B3GAT2: variants seen among roughly 807,000 people sequenced by gnomAD.
The protein encoded by B3GAT2 is beta-1,3-glucuronyltransferase 2.
In B3GAT2, 26 loss-of-function variants were observed where a neutral mutation model predicts 27.8. The observed-to-expected ratio is 0.93, with a 90% CI of 0.68 to 1.30. The LOEUF is 1.30. B3GAT2 is among the 50% of genes most tolerant of loss of function. The pLI, the probability that B3GAT2 is intolerant of heterozygous loss-of-function variation, is 0.00. For synonymous variants in B3GAT2, 218 were observed against 195.1 expected (o/e 1.12, Z -0.98); for missense variants, 458 against 459.0 (o/e 1.00, Z 0.02).
At chr6:70,937,331 G>A (rs1247578987) in intron 1 of B3GAT2, among the ~76,000 whole-genome samples, 17 of 150,520 alleles carry the variant, frequency 1.1e-4, no homozygotes, top group Non-Finnish European at 3.0e-5. Flanking sequence ...GTACAAGGAG[G>A]AACTGGTACC....
At chr6:70,922,314 C>T (rs531062628) in intron 1 of B3GAT2, among the ~76,000 whole-genome samples, 9 of 152,272 alleles carry the variant, frequency 5.9e-5, no homozygotes, top group African/African-American at 2.2e-4. Flanking sequence ...CATGAAATAT[C>T]TGTAGGAATA....
chr6:70,926,313 T>C (rs1254487230), intron 1 of B3GAT2, among the ~76,000 whole-genome samples: 1 of 152,172 alleles, frequency 6.6e-6, no homozygotes, highest in Non-Finnish European at 1.5e-5. Context: ...GAAAGCTGGA[T>C]GGAGAATGAC....
intron 2 of B3GAT2, among the ~76,000 whole-genome samples, chr6:70,892,440 T>C (rs1772305145): frequency 6.6e-6 from 1 of 152,216 alleles, no homozygotes; most frequent in Non-Finnish European, 1.5e-5. Flanking sequence ...GCATGATCCA[T>C]GCAAGGAAAT....
At chr6:70,920,881 T>C (rs1292063178) in intron 1 of B3GAT2, among the ~76,000 whole-genome samples, 6 of 152,228 alleles carry the variant, frequency 3.9e-5, no homozygotes, top group Non-Finnish European at 5.9e-5. Context: ...TTGTTTCTCC[T>C]TTGCTTATTA....
chr6:70,910,649 T>C (rs1772675444), intron 1 of B3GAT2, among the ~76,000 whole-genome samples: 1 of 152,206 alleles, frequency 6.6e-6, no homozygotes, highest in Non-Finnish European at 1.5e-5. Context: ...TGTGCATGTG[T>C]CTTTATGGTA....
At chr6:70,953,569 G>A (rs1476440825) in intron 1 of B3GAT2, among the ~76,000 whole-genome samples, 2 of 152,174 alleles carry the variant, frequency 1.3e-5, no homozygotes, top group Non-Finnish European at 2.9e-5. Flanking sequence ...ATTACTGTCT[G>A]GGAGTGACCT....
chr6:70,946,073 C>T (rs1211424326), intron 1 of B3GAT2, among the ~76,000 whole-genome samples: 4 of 151,982 alleles, frequency 2.6e-5, no homozygotes, highest in Admixed American at 6.6e-5. Context: ...CTGAAGGAAG[C>T]ACTAAACATG....
intron 2 of B3GAT2, among the ~76,000 whole-genome samples, chr6:70,888,659 T>G (rs1042840540): frequency 4.6e-5 from 7 of 152,160 alleles, no homozygotes; most frequent in Admixed American, 4.6e-4. Context: ...ATCAGTCCCC[T>G]ACTTGAAAAA....
rs1353273160 is a variant in B3GAT2, at chr6:70,858,305, T to G, written c.*3358A>C. On this transcript the variant is annotated 3_prime_UTR_variant, in exon 4 of 4. Coordinates refer to ENST00000230053, the MANE Select transcript of B3GAT2 (RefSeq NM_080742.3). ...TCTAAATCTTTTTTTTTTTTTTTTT[T>G]TTTTTTTTTTAAGTCTAGTGATCTG... 4 of 1,302,172 alleles carry G rather than the reference T, an allele frequency of 3.1e-6. No individual in the cohort carries two copies. Among genetic ancestry groups the G allele is most frequent in the East Asian group, 2.6e-5 (1 of 39,010 alleles). 80.7% of individuals were successfully genotyped at this position (1,302,172 alleles called of 1,614,324 possible). A position where few individuals can be genotyped will look rare whatever the true frequency, so the allele number is the denominator to read the frequency against.
chr6:70,863,784 G>T (rs1771804955), intron 2 of B3GAT2, among the ~76,000 whole-genome samples: 1 of 152,180 alleles, frequency 6.6e-6, no homozygotes, highest in African/African-American at 2.4e-5. Context: ...AGGGGCAGGT[G>T]ATGCCAGCCA....
intron 1 of B3GAT2, among the ~76,000 whole-genome samples, chr6:70,909,545 TCA>T (rs1262793923): frequency 6.6e-6 from 1 of 152,210 alleles, no homozygotes; most frequent in Non-Finnish European, 1.5e-5. Context: ...TCTTTGATCC[TCA>T]GTTTCCTGAT....
chr6:70,890,540 T>A (rs1226385978), intron 2 of B3GAT2, among the ~76,000 whole-genome samples: 1 of 152,228 alleles, frequency 6.6e-6, no homozygotes, highest in Non-Finnish European at 1.5e-5. Flanking sequence ...CTGATTACAA[T>A]GATAATTTGT....
chr6:70,951,674 A>C (rs1483536840), intron 1 of B3GAT2, among the ~76,000 whole-genome samples: 1 of 152,166 alleles, frequency 6.6e-6, no homozygotes, highest in African/African-American at 2.4e-5. Context: ...TCAAAAACGA[A>C]CCATAATTCA....
chr6:70,917,349 G>A (rs1436232478), intron 1 of B3GAT2, among the ~76,000 whole-genome samples: 2 of 151,966 alleles, frequency 1.3e-5, no homozygotes, highest in East Asian at 3.9e-4. Flanking sequence ...CAGAAAACCA[G>A]CTCCTGGGTT....
intron 1 of B3GAT2, among the ~76,000 whole-genome samples, chr6:70,950,151 A>C (rs1159674610): frequency 6.6e-6 from 1 of 151,928 alleles, no homozygotes; most frequent in Non-Finnish European, 1.5e-5. Context: ...ACATGTATAC[A>C]TATGTAACTA....
rs1554211379 is a variant in B3GAT2 at position 70,859,991 on chromosome 6, A to ATCT, written c.*1669_*1671dup. ...TTTTTTTTTAAGTAAGTTGTGGTTA[A>ATCT]TCTTTGGGGAAACTGTATCTAGAAA... is the stretch of plus-strand genomic sequence containing the variant. On this transcript the variant is annotated 3_prime_UTR_variant, in exon 4 of 4. Transcript: ENST00000230053. 4 of 462,512 alleles carry ATCT rather than the reference A, an allele frequency of 8.6e-6. No homozygotes were observed. The highest frequency in any genetic ancestry group is 3.8e-5 in the East Asian group (1 of 26,500). The allele number at this position is 462,512 out of a possible 1,614,324, so 28.7% of individuals were successfully genotyped here.
intron 2 of B3GAT2, among the ~76,000 whole-genome samples, chr6:70,882,998 C>T (rs1772122663): frequency 6.6e-6 from 1 of 152,090 alleles, no homozygotes; most frequent in Non-Finnish European, 1.5e-5. Context: ...AAGTGCAAAT[C>T]AAAACCAGAA....
chr6:70,920,251 G>C (rs1039072505), intron 1 of B3GAT2, among the ~76,000 whole-genome samples: 3 of 152,188 alleles, frequency 2.0e-5, no homozygotes, highest in Non-Finnish European at 2.9e-5. Flanking sequence ...GGAATCTTCC[G>C]GTCTGCCTGT....
Position 70,860,789 on chromosome 6 carries a change from G to C in B3GAT2, c.*874C>G, listed in dbSNP as rs1207931860. 1 of 398,510 alleles carries C rather than the reference G, an allele frequency of 2.5e-6. No individual in the cohort carries two copies. Among genetic ancestry groups the C allele is most frequent in the Non-Finnish European group, 4.4e-6 (1 of 225,854 alleles). The allele number at this position is 398,510 out of a possible 1,614,324, so 24.7% of individuals were successfully genotyped here. ...GAATGTAAATGTCTCACTGAGCACT[G>C]TTTTCTAGTGTATCAAAATGCTCTT... On this transcript the variant is annotated 3_prime_UTR_variant, in exon 4 of 4. Coordinates refer to ENST00000230053, the MANE Select transcript of B3GAT2 (RefSeq NM_080742.3).
Sources: gnomAD v4.1 joint callset for allele counts (sites outside exome capture counted in the v4.1 genomes callset) on GRCh38, gnomAD v4.1.1 for gene constraint, MANE v1.5 for transcripts, NCBI Gene and HGNC (gene_info 2026-07-23, HGNC 2026-07-21) for gene names.